FN1: variants seen among roughly 807,000 people sequenced by gnomAD.
FN1 encodes fibronectin.
FN1 carries 106 observed loss-of-function variants against 297.3 expected under a neutral mutation model. The observed-to-expected ratio is 0.36, with a 90% CI of 0.30 to 0.42. The LOEUF is 0.42. Among genes scored for constraint, FN1 ranks in the 10% least tolerant of loss-of-function variants. The pLI, the probability that FN1 is intolerant of heterozygous loss-of-function variation, is 1.00. For synonymous variants in FN1, 1,149 were observed against 1,152.6 expected (o/e 1.00, Z 0.06); for missense variants, 2,690 against 3,124.9 (o/e 0.86, Z 3.32).
chr2:215,371,570 C>T (rs1273643269), intron 40 of FN1, among the ~76,000 whole-genome samples: 4 of 149,828 alleles, frequency 2.7e-5, no homozygotes, highest in African/African-American at 7.4e-5. Flanking sequence ...AAGCTAGTGA[C>T]TCTCTGGTAT....
In FN1 at chr2:215,421,765, C is replaced by A. The variant is rs149677509; in HGVS notation, c.1546+326G>T. On this transcript the variant is annotated intron_variant, in intron 10 of 45. Transcript: ENST00000354785. ...CATTTCTTTACAGAAATTATCCTAT[C>A]TTTTCTAGACATGAATCCAGTGGCA... is the stretch of plus-strand genomic sequence containing the variant. Among the ~76,000 whole-genome samples the A allele has an allele frequency of 4.3e-3, 661 of 152,298 alleles. 5 individuals are homozygous for A. Among genetic ancestry groups the A allele is most frequent in the African/African-American group, 0.015 (614 of 41,562 alleles).
chr2:215,375,065 A>T, intron 38 of FN1, 149 bp downstream of exon 38: 1 of 791,802 alleles, frequency 1.3e-6, no homozygotes, highest in Non-Finnish European at 2.1e-6. Flanking sequence ...AGGCTCTACC[A>T]CTCCTACACA....
chr2:215,399,468 A>T, intron 20 of FN1, 117 bp from the exon 21 acceptor site: 1 of 728,400 alleles, frequency 1.4e-6, no homozygotes. Context: ...TGGATAGAGG[A>T]TGTAACATAT....
intron 20 of FN1, among the ~76,000 whole-genome samples, chr2:215,401,057 A>G (rs2060950731): frequency 6.7e-6 from 1 of 150,072 alleles, no homozygotes; most frequent in Non-Finnish European, 1.5e-5. Flanking sequence ...CGGCCTCCCA[A>G]AGTGCTGGAA....
rs1369575589 is a variant in FN1, at chr2:215,379,160, G to A, written c.5592C>T (p.Asp1864=). The change falls in exon 34 of 46, where the codon GAC becomes GAT. Residue 1864 remains aspartate, a synonymous_variant. Coordinates refer to ENST00000354785, the MANE Select transcript of FN1 (RefSeq NM_212482.4). Reference sequence around the variant, plus strand: ...GTCCTGATACAACCACGGATGAGCTGTCAGGAGCAAGGTTGATTTCTTTCA... The same window carrying A: ...GTCCTGATACAACCACGGATGAGCTATCAGGAGCAAGGTTGATTTCTTTCA... ...GPMKEINLAP[D]SSSVVVSGLM... 6.2e-7 allele frequency: 1 copy of A among 1,614,092 alleles called. No individual in the cohort carries two copies. Among genetic ancestry groups the A allele is most frequent in the Non-Finnish European group, 8.5e-7 (1 of 1,180,002 alleles).
intron 6 of FN1, 68 bp from the exon 7 acceptor site, chr2:215,425,353 A>G: frequency 1.4e-6 from 2 of 1,420,316 alleles, no homozygotes; most frequent in Non-Finnish European, 2.0e-6. Flanking sequence ...TTCTGCAGTC[A>G]GGATCTTCAG....
chr2:215,407,976 A>AC, intron 17 of FN1, 132 bp downstream of exon 17: 2 of 695,664 alleles, frequency 2.9e-6, no homozygotes, highest in Middle Eastern at 4.1e-4. Flanking sequence ...ACACACACAC[A>AC]CACAAACCCC....
intron 13 of FN1, among the ~76,000 whole-genome samples, chr2:215,413,318 C>T (rs371939764): frequency 6.6e-6 from 1 of 152,154 alleles, no homozygotes; most frequent in East Asian, 1.9e-4. Context: ...GGGGTTTCGC[C>T]ATGTTGGCCA....
At position 215,422,150 on chromosome 2, in the gene FN1, C is replaced by T; in HGVS notation, c.1487G>A (p.Cys496Tyr). Reference sequence around the variant, plus strand: ...CCCACGACCATTCCCAACACACGTGCACCTCATCATGTGACCCATGTCATG... The same window carrying T: ...CCCACGACCATTCCCAACACACGTGTACCTCATCATGTGACCCATGTCATG... Reference protein sequence around the residue: ...KQHDMGHMMRCTCVGNGRGEW... With the variant: ...KQHDMGHMMRYTCVGNGRGEW... Residue 496 changes from cysteine (C) to tyrosine (Y), a missense_variant, in exon 10 of 46, where the codon TGC becomes TAC. Coordinates refer to ENST00000354785, the MANE Select transcript of FN1 (RefSeq NM_212482.4). 1 of 1,614,160 alleles carries T rather than the reference C, an allele frequency of 6.2e-7. No homozygotes were observed. Among genetic ancestry groups the T allele is most frequent in the African/African-American group, 1.3e-5 (1 of 75,060 alleles).
At chr2:215,427,279 G>C (rs1169203254) in intron 6 of FN1, among the ~76,000 whole-genome samples, 3 of 152,070 alleles carry the variant, frequency 2.0e-5, no homozygotes, top group Non-Finnish European at 4.4e-5. Context: ...AGTGCTCAAA[G>C]CAAGACAAAA....
intron 38 of FN1, among the ~76,000 whole-genome samples, chr2:215,374,802 C>T (rs1044403149): frequency 8.5e-5 from 13 of 152,218 alleles, no homozygotes; most frequent in Admixed American, 2.0e-4. Context: ...CAAGACCTAT[C>T]CTGTGATAGT....
In FN1 at chr2:215,424,186, A is replaced by G. The variant is rs781165085; in HGVS notation, c.1176T>C (p.Tyr392=). The change falls in exon 8 of 46, where the codon TAT becomes TAC. Residue 392 remains tyrosine, a synonymous_variant. Coordinates refer to ENST00000354785, the MANE Select transcript of FN1 (RefSeq NM_212482.4). ...AGAAAGAGTATTTCTGGTCCTGCTC[A>G]TAATTCGAAGTTGTGCTGCACCAAA... The part of the protein sequence containing the change: ...GHLWCSTTSN[Y]EQDQKYSFCT... 2 of 1,614,208 alleles carry G rather than the reference A, an allele frequency of 1.2e-6. No homozygotes were observed. Among genetic ancestry groups the G allele is most frequent in the East Asian group, 2.2e-5 (1 of 44,888 alleles).
intron 6 of FN1, among the ~76,000 whole-genome samples, chr2:215,426,572 C>A (rs569852262): frequency 6.6e-6 from 1 of 152,112 alleles, no homozygotes; most frequent in Admixed American, 6.5e-5. Context: ...TGCTGCTGAA[C>A]ACTAGAACCC....
At chr2:215,420,055 CA>C (rs200364735) in intron 11 of FN1, among the ~76,000 whole-genome samples, 1 of 150,650 alleles carries the variant, frequency 6.6e-6, no homozygotes, top group African/African-American at 2.4e-5. Flanking sequence ...GAAGGGCGGC[CA>C]AAAAAAAACC....
intron 11 of FN1, among the ~76,000 whole-genome samples, chr2:215,420,364 CAAACA>C (rs2064095898): frequency 1.7e-4 from 20 of 120,078 alleles, no homozygotes; most frequent in South Asian, 2.8e-4. Flanking sequence ...AAAACAAAAA[CAAACA>C]AAAAAAAAAG....
At position 215,380,810 on chromosome 2, in the gene FN1, C is replaced by A. The variant is rs113375576; in HGVS notation, c.5434+1G>T. The A allele has an allele frequency of 6.2e-7, 1 of 1,612,812 alleles. No homozygotes were observed. The highest frequency in any genetic ancestry group is 1.3e-5 in the African/African-American group (1 of 75,006). The stretch of plus-strand genomic sequence containing the variant: ...ACCTGGTGGTGCAATTAACCATATA[C>A]CTGTGGACTGGGTTCCAATCAGGGG... On this transcript the variant is annotated splice_donor_variant, in intron 33 of 45. Coordinates refer to ENST00000354785, the MANE Select transcript of FN1 (RefSeq NM_212482.4). LOFTEE classifies it high-confidence loss of function.
Position 215,365,553 on chromosome 2 carries a change from T to G in FN1, c.7096A>C (p.Ser2366Arg). 6.2e-7 allele frequency: 1 copy of G among 1,614,116 alleles called. No homozygotes were observed. The highest frequency in any genetic ancestry group is 8.5e-7 in the Non-Finnish European group (1 of 1,179,974). ...TTTCCGTTCCCAAGACATGTGCAGC[T>G]CATCATCTGGCCATTTTCTCCCTGA... is the stretch of plus-strand genomic sequence containing the variant. Reference protein sequence around the residue: ...DRQGENGQMMSCTCLGNGKGE... With the variant: ...DRQGENGQMMRCTCLGNGKGE... Residue 2366 changes from serine to arginine, a missense_variant, in exon 43 of 46, where the codon AGC (serine) becomes CGC (arginine). Coordinates refer to ENST00000354785, the MANE Select transcript of FN1 (RefSeq NM_212482.4).
chr2:215,410,200 A>T, intron 13 of FN1, 86 bp from the exon 14 acceptor site: 2 of 1,409,838 alleles, frequency 1.4e-6, no homozygotes, highest in East Asian at 5.0e-5. Context: ...TAATCTTCAA[A>T]GAAAAATGAC....
intron 35 of FN1, 28 bp from the exon 36 acceptor site, chr2:215,376,702 T>G: frequency 6.2e-7 from 1 of 1,608,664 alleles, no homozygotes; most frequent in Non-Finnish European, 8.5e-7. Flanking sequence ...TAGAGATTAG[T>G]GCCTGCTTGG....
Sources: allele counts gnomAD v4.1 joint callset (sites outside exome capture counted in the v4.1 genomes callset), GRCh38; gene constraint gnomAD v4.1.1; transcripts MANE v1.5; gene names NCBI Gene and HGNC (gene_info 2026-07-23, HGNC 2026-07-21).